Variants in IQGAP2 observed in about 807,000 individuals in gnomAD.
IQGAP2 encodes the protein ras GTPase-activating-like protein IQGAP2.
Under a neutral mutation model 201.3 loss-of-function variants are expected in IQGAP2, and 173 were observed. The observed-to-expected ratio is 0.86, with a 90% CI of 0.76 to 0.98. The LOEUF is 0.98. Among genes scored for constraint, IQGAP2 ranks in the 50% least tolerant of loss-of-function variants. The pLI is 0.00. For missense variants in IQGAP2, 1,687 were observed against 1,864.8 expected (o/e 0.90, Z 1.76); for synonymous variants, 675 against 673.9 (o/e 1.00, Z -0.03).
chr5:76,532,231 G>C (rs1011742303), intron 2 of IQGAP2, among the ~76,000 whole-genome samples: 1 of 152,128 alleles, frequency 6.6e-6, no homozygotes, highest in African/African-American at 2.4e-5. Flanking sequence ...ATGAGACCAG[G>C]CATGCTGGCG....
intron 2 of IQGAP2, among the ~76,000 whole-genome samples, chr5:76,542,010 G>A (rs1742810445): frequency 6.6e-6 from 1 of 152,148 alleles, no homozygotes; most frequent in Admixed American, 6.5e-5. Flanking sequence ...TTGAGACAGC[G>A]ACTTGTTCTG....
chr5:76,632,727 T>G (rs1302600459), intron 15 of IQGAP2, among the ~76,000 whole-genome samples: 1 of 152,174 alleles, frequency 6.6e-6, no homozygotes, highest in East Asian at 1.9e-4. Context: ...AGTATTTATT[T>G]GTACCACATT....
intron 15 of IQGAP2, among the ~76,000 whole-genome samples, chr5:76,634,901 T>C (rs545612236): frequency 4.3e-4 from 44 of 101,606 alleles, no homozygotes; most frequent in Admixed American, 1.4e-3. Context: ...CAGTCTTTTT[T>C]CTAAGTAACA....
At chr5:76,496,146 G>A (rs1223102600) in intron 2 of IQGAP2, among the ~76,000 whole-genome samples, 1 of 152,220 alleles carries the variant, frequency 6.6e-6, no homozygotes, top group Non-Finnish European at 1.5e-5. Context: ...TACAGGGAAT[G>A]ACTACGGTAA....
intron 14 of IQGAP2, chr5:76,628,666 A>G (rs1182053748): frequency 2.2e-6 from 1 of 455,692 alleles, no homozygotes; most frequent in Admixed American, 2.4e-5. Flanking sequence ...TCTTAAGATG[A>G]CTTTGTCTTA....
chr5:76,573,554 G>T (rs1392130633), intron 4 of IQGAP2, among the ~76,000 whole-genome samples: 1 of 152,192 alleles, frequency 6.6e-6, no homozygotes, highest in Non-Finnish European at 1.5e-5. Context: ...TTAAAGAAAA[G>T]GGAAGAGGCA....
intron 2 of IQGAP2, among the ~76,000 whole-genome samples, chr5:76,496,743 TTC>T (rs1756958166): frequency 4.6e-4 from 24 of 52,434 alleles, no homozygotes; most frequent in African/African-American, 2.3e-3. Flanking sequence ...CTTTCTTTCT[TTC>T]TTTCTTTCTT....
intron 2 of IQGAP2, among the ~76,000 whole-genome samples, chr5:76,527,432 C>A (rs1033078457): frequency 6.6e-6 from 1 of 152,180 alleles, no homozygotes; most frequent in South Asian, 2.1e-4. Context: ...CAGTGCCCCC[C>A]ATAGACCTCT....
intron 2 of IQGAP2, among the ~76,000 whole-genome samples, chr5:76,554,829 C>T (rs1220670451): frequency 6.6e-6 from 1 of 152,130 alleles, no homozygotes; most frequent in East Asian, 1.9e-4. Context: ...GAAATGAGAA[C>T]ATACATCAGT....
chr5:76,622,571 T>C (rs985216676), intron 13 of IQGAP2, among the ~76,000 whole-genome samples: 1 of 152,194 alleles, frequency 6.6e-6, no homozygotes, highest in African/African-American at 2.4e-5. Context: ...GCTAACATTG[T>C]GATGGGTAAA....
At chr5:76,679,788 A>G (rs931266455) in intron 28 of IQGAP2, among the ~76,000 whole-genome samples, 6 of 152,148 alleles carry the variant, frequency 3.9e-5, no homozygotes, top group Admixed American at 2.0e-4. Flanking sequence ...TATCACCTCT[A>G]TTATTTATTT....
intron 23 of IQGAP2, among the ~76,000 whole-genome samples, chr5:76,670,439 A>T (rs377213156): frequency 6.6e-6 from 1 of 152,130 alleles, no homozygotes; most frequent in Admixed American, 6.5e-5. Context: ...GTGTGAACCC[A>T]GGAGGCAGAG....
At chr5:76,467,801 A>G (rs998222249) in intron 2 of IQGAP2, among the ~76,000 whole-genome samples, 2 of 152,214 alleles carry the variant, frequency 1.3e-5, no homozygotes, top group African/African-American at 4.8e-5. Flanking sequence ...TATAAAAAAG[A>G]ATGAAGTACT....
At position 76,451,753 on chromosome 5, in the gene IQGAP2, G is replaced by A. The variant is rs771540749; in HGVS notation, c.47-9817G>A. On this transcript the variant is annotated intron_variant, in intron 1 of 35. Coordinates refer to ENST00000274364, the MANE Select transcript of IQGAP2 (RefSeq NM_006633.5). Reference sequence around the variant, plus strand: ...GCAACTGAACATTAAAACAAATTTAGGCTGGACACAGTGGCTCACGCCTGT... The same window carrying A: ...GCAACTGAACATTAAAACAAATTTAAGCTGGACACAGTGGCTCACGCCTGT... Among the ~76,000 whole-genome samples the A allele has an allele frequency of 9.2e-5, 14 of 152,100 alleles. 1 individual carries two copies. Among genetic ancestry groups the A allele is most frequent in the Non-Finnish European group, 1.6e-4 (11 of 68,030 alleles).
chr5:76,537,198 A>G (rs964542150), intron 2 of IQGAP2, among the ~76,000 whole-genome samples: 5 of 152,208 alleles, frequency 3.3e-5, no homozygotes, highest in Admixed American at 2.6e-4. Context: ...GATTCGGCCA[A>G]TGGAAGTTGA....
chr5:76,408,124 G>A (rs1750897035), intron 1 of IQGAP2, among the ~76,000 whole-genome samples: 1 of 152,078 alleles, frequency 6.6e-6, no homozygotes, highest in African/African-American at 2.4e-5. Flanking sequence ...TCACGCCACT[G>A]CGTTCCAGCC....
chr5:76,650,144 A>G (rs1350383840), intron 17 of IQGAP2, among the ~76,000 whole-genome samples: 1 of 152,250 alleles, frequency 6.6e-6, no homozygotes, highest in Non-Finnish European at 1.5e-5. Flanking sequence ...GTGAAGGTCT[A>G]AAGCATTGGG....
chr5:76,707,141 G>A, intron 35 of IQGAP2, 59 bp from the exon 36 acceptor site: 1 of 846,478 alleles, frequency 1.2e-6, no homozygotes, highest in Non-Finnish European at 2.0e-6. Flanking sequence ...CTTCTAATAT[G>A]TTTTTTAAAT....
intron 20 of IQGAP2, among the ~76,000 whole-genome samples, chr5:76,656,478 GC>G (rs1742732272): frequency 1.9e-5 from 2 of 106,430 alleles, no homozygotes; most frequent in Admixed American, 9.0e-5. Flanking sequence ...ACTGCGCCCA[GC>G]CGTTTTTGGT....
Sources: gnomAD v4.1 joint callset for allele counts (sites outside exome capture counted in the v4.1 genomes callset) on GRCh38, gnomAD v4.1.1 for gene constraint, MANE v1.5 for transcripts, NCBI Gene and HGNC (gene_info 2026-07-23, HGNC 2026-07-21) for gene names.